The following ZNF493 variants were observed in gnomAD, a reference collection of about 807,000 sequenced individuals.
ZNF493 encodes zinc finger protein 493.
ZNF493 carries 11 observed loss-of-function variants against 12.2 expected under a neutral mutation model. The ratio of observed to expected loss-of-function variants is 0.90; its 90% CI spans 0.57 to 1.50. The LOEUF is 1.50. Ranked by LOEUF, ZNF493 falls within the 40% of genes most tolerant of loss-of-function variation. ZNF493 has a pLI of 0.00. For synonymous variants in ZNF493, 286 were observed against 302.6 expected (o/e 0.95, Z 0.57); for missense variants, 950 against 906.6 (o/e 1.05, Z -0.61).
rs1353785151 is a variant in ZNF493 at position 21,422,915 on chromosome 19, A to G, written c.256A>G (p.Ile86Val). 1.9e-6 allele frequency: 3 copies of G among 1,545,806 alleles called. No homozygotes were observed. Among genetic ancestry groups the G allele is most frequent in the African/African-American group, 1.4e-5 (1 of 72,148 alleles). The change falls in exon 4 of 4, where the codon ATA becomes GTA. Residue 86 changes from isoleucine (I) to valine (V), a missense_variant and splice_region_variant. Ile to Val is a conservative substitution (Grantham distance 29). Coordinates refer to ENST00000392288, the MANE Select transcript of ZNF493 (RefSeq NM_001076678.3). ...TTTGATATTTTTATTTCTTTCAGTT[A>G]TATGTTCTCATTTTGCTGAAGACTT... Reference protein sequence around the residue: ...GHSTVVKPPVICSHFAEDFCP... With the variant: ...GHSTVVKPPVVCSHFAEDFCP...
rs766830706 is a variant in ZNF493 at position 21,424,836 on chromosome 19, C to T, written c.2177C>T (p.Ser726Leu). Residue 726 changes from serine (S) to leucine (L), a missense_variant, in exon 4 of 4, where the codon TCA becomes TTA. Physicochemically the swap from Ser to Leu is moderately radical, Grantham distance 145. Transcript: ENST00000392288. ...EECGKAFNHSSNLIKHKLIHT... is the reference protein window; with the variant it reads ...EECGKAFNHSLNLIKHKLIHT... Reference sequence around the variant, plus strand: ...TGTGGCAAAGCTTTTAACCATTCCTCAAACCTTATTAAACATAAGCTAATT... The same window carrying T: ...TGTGGCAAAGCTTTTAACCATTCCTTAAACCTTATTAAACATAAGCTAATT... 2.5e-6 allele frequency: 4 copies of T among 1,613,390 alleles called. No homozygotes were observed. The highest frequency in any genetic ancestry group is 2.5e-6 in the Non-Finnish European group (3 of 1,179,652).
intron 3 of ZNF493, among the ~76,000 whole-genome samples, chr19:21,411,099 C>T (rs111433652): frequency 0.021 from 3,193 of 152,050 alleles, 123 homozygotes; most frequent in African/African-American, 0.072. Context: ...CTCATGTCTA[C>T]GGAATTTTTT....
chr19:21,402,074 TCTC>T (rs2029965539), intron 1 of ZNF493, among the ~76,000 whole-genome samples: 1 of 152,066 alleles, frequency 6.6e-6, no homozygotes, highest in Admixed American at 6.6e-5. Flanking sequence ...TTCATGCCAT[TCTC>T]CTGCCTCAGC....
At chr19:21,404,910 A>G (rs766809696) in intron 1 of ZNF493, among the ~76,000 whole-genome samples, 22 of 148,088 alleles carry the variant, frequency 1.5e-4, no homozygotes, top group Non-Finnish European at 2.9e-4. Context: ...AAAAGTATAT[A>G]TACAGTGGTG....
intron 1 of ZNF493, chr19:21,398,557 A>G (rs747004041): frequency 2.7e-6 from 1 of 365,762 alleles, no homozygotes; most frequent in Non-Finnish European, 5.4e-6. Context: ...TGCCATGGTT[A>G]TGTTAGCTAG....
At chr19:21,407,891 C>G (rs753657741) in intron 3 of ZNF493, 48 of 985,236 alleles carry the variant, frequency 4.9e-5, no homozygotes, top group Non-Finnish European at 5.8e-5. Context: ...ATAGAGTTTA[C>G]TATTGGTGTC....
Position 21,423,071 on chromosome 19 carries a change from G to A in ZNF493, c.412G>A (p.Gly138Ser). 6.2e-7 allele frequency: 1 copy of A among 1,613,638 alleles called. No individual in the cohort carries two copies. The highest frequency in any genetic ancestry group is 8.5e-7 in the Non-Finnish European group (1 of 1,179,834). Residue 138 changes from glycine to serine, a missense_variant, in exon 4 of 4, where the codon GGT becomes AGT. By Grantham distance (56) the Gly-to-Ser change is moderately conservative. Coordinates refer to ENST00000392288, the MANE Select transcript of ZNF493 (RefSeq NM_001076678.3). ...GAATGAGTGTAATGTGCACAAAGAA[G>A]GTTATAATGAACTAAACCAGTATTT... ...SMNECNVHKE[G>S]YNELNQYLTT...
At chr19:21,416,267 A>G (rs975200646) in intron 3 of ZNF493, among the ~76,000 whole-genome samples, 3 of 152,092 alleles carry the variant, frequency 2.0e-5, no homozygotes, top group Non-Finnish European at 4.4e-5. Flanking sequence ...GTACCATACC[A>G]GGGACATACC....
chr19:21,411,643 C>T (rs559908584), intron 3 of ZNF493, among the ~76,000 whole-genome samples: 84 of 151,998 alleles, frequency 5.5e-4, no homozygotes, highest in Non-Finnish European at 6.5e-4. Context: ...TTGCTTGAAC[C>T]CAGGAGGCAG....
In ZNF493 at chr19:21,425,209, G is replaced by T. The variant is rs1005168710; in HGVS notation, c.*225G>T. 2 of 601,138 alleles carry T rather than the reference G, an allele frequency of 3.3e-6. No homozygotes were observed. Among genetic ancestry groups the T allele is most frequent in the South Asian group, 1.9e-5 (1 of 52,682 alleles). The allele number at this position is 601,138 out of a possible 1,614,324, so 37.2% of individuals were successfully genotyped here. A position where few individuals can be genotyped will look rare whatever the true frequency, so the allele number is the denominator to read the frequency against. ...TACAGATGTGAAGAATGTGGCAAAG[G>T]CTTTAATTAGTTCTCATCCCTTACT... On this transcript the variant is annotated 3_prime_UTR_variant, in exon 4 of 4. Transcript: ENST00000392288.
In ZNF493 at chr19:21,425,342, A is replaced by G. The variant is rs2030827551; in HGVS notation, c.*358A>G. The G allele has an allele frequency of 1.2e-5, 5 of 420,044 alleles. No homozygotes were observed. The highest frequency in any genetic ancestry group is 2.3e-5 in the Non-Finnish European group (5 of 215,020). 26.0% of individuals were successfully genotyped at this position (420,044 alleles called of 1,614,324 possible). A position where few individuals can be genotyped will look rare whatever the true frequency, so the allele number is the denominator to read the frequency against. ...CTACACGTAAGATAATTCATACTGGAAGGAAACCCTACAAATATGAGGAAT... is the reference window on the plus strand; with the variant it reads ...CTACACGTAAGATAATTCATACTGGGAGGAAACCCTACAAATATGAGGAAT... On this transcript the variant is annotated 3_prime_UTR_variant, in exon 4 of 4. Coordinates refer to ENST00000392288, the MANE Select transcript of ZNF493 (RefSeq NM_001076678.3).
chr19:21,411,766 A>AG (rs1212611591), intron 3 of ZNF493, among the ~76,000 whole-genome samples: 5 of 81,346 alleles, frequency 6.1e-5, no homozygotes, highest in African/African-American at 2.2e-4. Flanking sequence ...GTGCTATTGT[A>AG]ATTTTTTTTT....
intron 1 of ZNF493, among the ~76,000 whole-genome samples, chr19:21,402,615 C>G (rs1315649847): frequency 6.6e-6 from 1 of 152,112 alleles, no homozygotes; most frequent in Non-Finnish European, 1.5e-5. Context: ...GCCAGACTTT[C>G]AATTGTGAAT....
In ZNF493 at chr19:21,422,972, C is replaced by G; in HGVS notation, c.313C>G (p.Gln105Glu). 1 of 1,598,382 alleles carries G rather than the reference C, an allele frequency of 6.3e-7. No homozygotes were observed. Among genetic ancestry groups the G allele is most frequent in the South Asian group, 1.1e-5 (1 of 87,178 alleles). Reference protein sequence around the residue: ...CPGPGIKDSFQKVILREYVKC... With the variant: ...CPGPGIKDSFEKVILREYVKC... ...AGGGCCAGGCATTAAAGATTCTTTTCAAAAAGTGATACTGAGAGAATATGT... is the reference window on the plus strand; with the variant it reads ...AGGGCCAGGCATTAAAGATTCTTTTGAAAAAGTGATACTGAGAGAATATGT... Residue 105 changes from glutamine (Q) to glutamate (E), a missense_variant, in exon 4 of 4, where the codon CAA (glutamine) becomes GAA (glutamate). Transcript: ENST00000392288.
intron 1 of ZNF493, among the ~76,000 whole-genome samples, chr19:21,400,912 T>TAC (rs1433354987): frequency 7.9e-5 from 12 of 152,250 alleles, no homozygotes; most frequent in Non-Finnish European, 1.8e-4. Context: ...AGGAATAGTT[T>TAC]GACTTCCTCT....
At chr19:21,404,729 C>T (rs1172058875) in intron 1 of ZNF493, among the ~76,000 whole-genome samples, 3 of 151,508 alleles carry the variant, frequency 2.0e-5, no homozygotes, top group Non-Finnish European at 4.4e-5. Flanking sequence ...AAAAAAGAAT[C>T]TGCACAAGAT....
At position 21,397,245 on chromosome 19, in the gene ZNF493, G is replaced by T. The variant is rs1462812124; in HGVS notation, c.8G>T (p.Gly3Val). Residue 3 changes from glycine (G) to valine (V), a missense_variant, in exon 1 of 4, where the codon GGA becomes GTA. Physicochemically the swap from Gly to Val is moderately radical, Grantham distance 109. Coordinates refer to ENST00000392288, the MANE Select transcript of ZNF493 (RefSeq NM_001076678.3). ...GGGAAATCCATAGCTAAGATGCCAG[G>T]ACCCCCTGAAAGCCTAGACATGGTG... Reference protein sequence around the residue: MPGPPESLDMGPL... With the variant: MPVPPESLDMGPL... The T allele has an allele frequency of 2.5e-6, 4 of 1,614,214 alleles. No individual in the cohort carries two copies. Among genetic ancestry groups the T allele is most frequent in the Non-Finnish European group, 3.4e-6 (4 of 1,180,026 alleles).
At chr19:21,399,241 AG>A (rs1410893077) in intron 1 of ZNF493, among the ~76,000 whole-genome samples, 22 of 151,852 alleles carry the variant, frequency 1.4e-4, no homozygotes, top group Non-Finnish European at 2.4e-4. Flanking sequence ...GCTCGCTGAA[AG>A]CTCTCCCTCC....
Position 21,424,196 on chromosome 19 carries a change from G to A in ZNF493, c.1537G>A (p.Gly513Arg). 1 of 1,611,542 alleles carries A rather than the reference G, an allele frequency of 6.2e-7. No homozygotes were observed. Among genetic ancestry groups the A allele is most frequent in the Non-Finnish European group, 8.5e-7 (1 of 1,178,956 alleles). Residue 513 changes from glycine to arginine, a missense_variant, in exon 4 of 4, where the codon GGA becomes AGA. Gly to Arg is a moderately radical substitution (Grantham distance 125, BLOSUM62 -2). Transcript: ENST00000392288. ...TLSIHKIIHT[G>R]EKPYKCEECG... ...TAGTATACATAAAATAATTCATACT[G>A]GAGAAAAACCCTACAAATGTGAAGA...
Sources: gnomAD v4.1 joint callset for allele counts (sites outside exome capture counted in the v4.1 genomes callset) on GRCh38, gnomAD v4.1.1 for gene constraint, MANE v1.5 for transcripts, NCBI Gene and HGNC (gene_info 2026-07-23, HGNC 2026-07-21) for gene names.